The following FBXO34 variants were observed in gnomAD, a reference collection of about 807,000 sequenced individuals.
FBXO34 encodes the protein F-box only protein 34.
In FBXO34, 12 loss-of-function variants were observed where a neutral mutation model predicts 24.5. The ratio of observed to expected loss-of-function variants is 0.49; its 90% CI spans 0.31 to 0.79. FBXO34 has a LOEUF of 0.79. FBXO34 is among the 30% of genes least tolerant of loss of function. The pLI is 0.04. For missense variants in FBXO34, 823 were observed against 857.7 expected (o/e 0.96, Z 0.51); for synonymous variants, 320 against 311.9 (o/e 1.03, Z -0.27).
chr14:55,426,271 A>C, the FBXO34 span, among the ~76,000 whole-genome samples: 1 of 151,778 alleles, frequency 6.6e-6, no homozygotes, highest in Non-Finnish European at 1.5e-5. Context: ...CCATCTCAAA[A>C]AAAAAAAATA....
At chr14:55,391,985 C>T in the FBXO34 span, among the ~76,000 whole-genome samples, 4 of 152,160 alleles carry the variant, frequency 2.6e-5, no homozygotes, top group African/African-American at 9.7e-5. Flanking sequence ...AGGTTCAGCA[C>T]CCCCTAAAGC....
the FBXO34 span, among the ~76,000 whole-genome samples, chr14:55,429,351 C>T: frequency 2.0e-5 from 3 of 152,262 alleles, no homozygotes; most frequent in African/African-American, 7.2e-5. Flanking sequence ...CCACCTCAGA[C>T]ATGCAGAAAC....
chr14:55,330,242 G>C (rs542568719), intron 1 of FBXO34, among the ~76,000 whole-genome samples: 1 of 152,004 alleles, frequency 6.6e-6, no homozygotes, highest in African/African-American at 2.4e-5. Flanking sequence ...TTTTGTCTCC[G>C]TAAGTGTTCT....
intron 1 of FBXO34, chr14:55,299,342 C>A: frequency 2.6e-6 from 1 of 378,990 alleles, no homozygotes. Flanking sequence ...AGTAGGGCCG[C>A]ATTGCTGCTC....
At chr14:55,440,635 C>A in the FBXO34 span, 2 of 1,390,276 alleles carry the variant, frequency 1.4e-6, no homozygotes, top group Non-Finnish European at 1.9e-6. Flanking sequence ...GGGCTTGGAG[C>A]GGGATGCGGA....
the FBXO34 span, chr14:55,440,514 G>A: frequency 1.9e-6 from 3 of 1,610,946 alleles, no homozygotes; most frequent in Middle Eastern, 1.8e-4. Flanking sequence ...GAGCAGCCTC[G>A]GAACCCGCTC....
downstream of FBXO34, among the ~76,000 whole-genome samples, chr14:55,372,680 C>CCCTT (rs750961634): frequency 4.6e-5 from 7 of 151,920 alleles, no homozygotes; most frequent in East Asian, 1.9e-4. Flanking sequence ...CCTCCCTGCT[C>CCCTT]CCTTCCTTCC....
chr14:55,356,501 G>T (rs1018858221), downstream of FBXO34, among the ~76,000 whole-genome samples: 1 of 152,202 alleles, frequency 6.6e-6, no homozygotes, highest in African/African-American at 2.4e-5. Context: ...AGACTGGAGT[G>T]CGGTGGTGCG....
the FBXO34 span, chr14:55,428,824 G>A: frequency 6.2e-7 from 1 of 1,614,050 alleles, no homozygotes; most frequent in Non-Finnish European, 8.5e-7. Flanking sequence ...ACTGCTGATG[G>A]GTTAGCACCA....
chr14:55,292,136 T>C (rs775426967), intron 1 of FBXO34, among the ~76,000 whole-genome samples: 81 of 152,156 alleles, frequency 5.3e-4, no homozygotes, highest in Non-Finnish European at 9.7e-4. Flanking sequence ...ATTTTTTGGT[T>C]CTTTTTATAT....
chr14:55,327,967 C>T lies in FBXO34; in HGVS notation c.-10-22414C>T, dbSNP rs184002507. ...TTGGAGACAGACTCCCACTCCATCA[C>T]CCAGGCTGGAGTGTGGTGGTGGTCT... is the stretch of plus-strand genomic sequence containing the variant. On this transcript the variant is annotated intron_variant, in intron 1 of 1. Coordinates refer to ENST00000313833, the MANE Select transcript of FBXO34 (RefSeq NM_017943.4). Among the ~76,000 whole-genome samples the T allele has an allele frequency of 1.0e-4, 12 of 117,294 alleles. 1 individual carries two copies. The East Asian group carries it at 1.4e-3, about 14-fold the overall frequency. The allele number at this position is 117,294 out of a possible 152,430, so 76.9% of individuals were successfully genotyped here.
downstream of FBXO34, among the ~76,000 whole-genome samples, chr14:55,357,373 C>T (rs1382046407): frequency 6.6e-6 from 1 of 152,180 alleles, no homozygotes; most frequent in Non-Finnish European, 1.5e-5. Context: ...AGAACAAAAC[C>T]TTTTACCCTT....
At chr14:55,281,409 G>A (rs766439235) in intron 1 of FBXO34, among the ~76,000 whole-genome samples, 2 of 149,080 alleles carry the variant, frequency 1.3e-5, no homozygotes, top group South Asian at 2.1e-4. Flanking sequence ...TCTCTATGAC[G>A]TTTTTTTATA....
the FBXO34 span, among the ~76,000 whole-genome samples, chr14:55,419,182 C>T: frequency 6.6e-6 from 1 of 152,248 alleles, no homozygotes; most frequent in Non-Finnish European, 1.5e-5. Flanking sequence ...CCAGTGGGCT[C>T]TGGAGCCTGG....
chr14:55,439,380 C>A, the FBXO34 span, among the ~76,000 whole-genome samples: 1 of 151,782 alleles, frequency 6.6e-6, no homozygotes, highest in Non-Finnish European at 1.5e-5. Flanking sequence ...AGGCCTAGTA[C>A]TGGCATCCAT....
chr14:55,368,612 GTCC>G (rs1884738668), downstream of FBXO34: 1 of 152,206 alleles, frequency 6.6e-6, no homozygotes, highest in Non-Finnish European at 1.5e-5. Context: ...GCAAAGCTGT[GTCC>G]TCAGAGCAAC....
chr14:55,413,829 CT>C, the FBXO34 span: 1 of 390,206 alleles, frequency 2.6e-6, no homozygotes. Flanking sequence ...AAATCTTGCC[CT>C]TGTTTACAAT....
At chr14:55,440,624 T>A in the FBXO34 span, 34 of 1,449,982 alleles carry the variant, frequency 2.3e-5, no homozygotes, top group Non-Finnish European at 3.1e-5. Context: ...CGTTGGGCGA[T>A]GGGCTTGGAG....
the FBXO34 span, among the ~76,000 whole-genome samples, chr14:55,405,848 A>G: frequency 7.3e-6 from 1 of 136,398 alleles, no homozygotes; most frequent in South Asian, 2.6e-4. Flanking sequence ...ACACGCCTTC[A>G]GTTTACACTG....
Sources: gnomAD v4.1 joint callset for allele counts (sites outside exome capture counted in the v4.1 genomes callset) on GRCh38, gnomAD v4.1.1 for gene constraint, MANE v1.5 for transcripts, NCBI Gene and HGNC (gene_info 2026-07-23, HGNC 2026-07-21) for gene names.